KDM4C: variants seen among roughly 807,000 people sequenced by gnomAD.
KDM4C encodes the protein lysine-specific demethylase 4C.
In KDM4C, 81 loss-of-function variants were observed where a neutral mutation model predicts 129.3. That is an observed-to-expected ratio of 0.63 (90% CI 0.52 to 0.75). KDM4C has a LOEUF of 0.75. Among genes scored for constraint, KDM4C ranks in the 30% least tolerant of loss-of-function variants. KDM4C has a pLI of 0.00. For missense variants in KDM4C, 1,457 were observed against 1,304.0 expected, an observed-to-expected ratio of 1.12 and a Z score of -1.81; for synonymous variants, 573 against 456.1, an observed-to-expected ratio of 1.26 and a Z score of -3.26.
intron 8 of KDM4C, among the ~76,000 whole-genome samples, chr9:6,948,629 C>CGGAA (rs1180014165): frequency 1.3e-5 from 2 of 151,002 alleles, no homozygotes; most frequent in African/African-American, 4.9e-5. Context: ...GAGGACCCTG[C>CGGAA]GGCCTTCCGC....
rs566634334 is a variant in KDM4C, at chr9:6,893,181, T to A, written c.870T>A (p.Ser290=). ...ATCATGGTTTCAACTGTGCAGAATC[T>A]ACAAATTTTGCTACTGTCAGATGGA... The part of the protein sequence containing the change: ...GFNHGFNCAE[S]TNFATVRWID... The change falls in exon 8 of 22, where the codon TCT becomes TCA. Residue 290 remains serine (S), a synonymous_variant. Transcript: ENST00000381309. 1 of 1,611,622 alleles carries A rather than the reference T, an allele frequency of 6.2e-7. No individual in the cohort carries two copies. Among genetic ancestry groups the A allele is most frequent in the South Asian group, 1.1e-5 (1 of 90,626 alleles).
chr9:6,899,782 T>C (rs1194969691), intron 8 of KDM4C, among the ~76,000 whole-genome samples: 1 of 152,218 alleles, frequency 6.6e-6, no homozygotes, highest in Non-Finnish European at 1.5e-5. Context: ...TATATATTGC[T>C]GAAGTCTGGA....
intron 13 of KDM4C, 41 bp from the exon 14 acceptor site, chr9:7,013,747 T>C: frequency 6.3e-7 from 1 of 1,586,422 alleles, no homozygotes; most frequent in Non-Finnish European, 8.6e-7. Flanking sequence ...ATGAGCTCTT[T>C]TCCATGTTTT....
chr9:6,964,116 T>C (rs1322214131), intron 8 of KDM4C, among the ~76,000 whole-genome samples: 1 of 152,230 alleles, frequency 6.6e-6, no homozygotes, highest in Admixed American at 6.5e-5. Flanking sequence ...ATACTTTAAG[T>C]TCTAGGCTAC....
At chr9:6,765,231 T>G (rs1820378810) in intron 1 of KDM4C, among the ~76,000 whole-genome samples, 1 of 152,214 alleles carries the variant, frequency 6.6e-6, no homozygotes, top group Admixed American at 6.6e-5. Context: ...TTTTTCATGT[T>G]CTCTCTACCT....
At chr9:7,170,635 A>G (rs778148640) in intron 21 of KDM4C, 44 of 960,704 alleles carry the variant, frequency 4.6e-5, no homozygotes, top group Non-Finnish European at 5.1e-5. Flanking sequence ...AATTATATCT[A>G]TTGTGTCTGT....
At chr9:6,941,375 T>G (rs1825906919) in intron 8 of KDM4C, among the ~76,000 whole-genome samples, 1 of 152,232 alleles carries the variant, frequency 6.6e-6, no homozygotes, top group African/African-American at 2.4e-5. Context: ...AATGGGGTTG[T>G]TCTTTTCTTG....
intron 19 of KDM4C, among the ~76,000 whole-genome samples, chr9:7,149,079 T>C (rs1244917601): frequency 6.6e-6 from 1 of 152,124 alleles, no homozygotes; most frequent in African/African-American, 2.4e-5. Flanking sequence ...GGCACCCAGG[T>C]TTTCTGCACC....
chr9:7,003,636 G>T (rs1433309045), intron 12 of KDM4C, among the ~76,000 whole-genome samples: 2 of 152,080 alleles, frequency 1.3e-5, no homozygotes, highest in African/African-American at 4.8e-5. Context: ...AGAATTCTCT[G>T]CTATCCATTA....
rs1221963936 is a variant in KDM4C, at chr9:6,984,193, A to G, written c.1143A>G (p.Lys381=). Residue 381 remains lysine (K), a synonymous_variant, in exon 10 of 22, where the codon AAA becomes AAG. Coordinates refer to ENST00000381309, the MANE Select transcript of KDM4C (RefSeq NM_015061.6). ...RSFQCARSTS[K]RPKADEEEEV... ...TCCAGTGTGCTAGGTCTACCTCTAAAAGGCCTAAGGCTGATGAGGAAGAGG... is the reference window on the plus strand; with the variant it reads ...TCCAGTGTGCTAGGTCTACCTCTAAGAGGCCTAAGGCTGATGAGGAAGAGG... 3 of 1,613,608 alleles carry G rather than the reference A, an allele frequency of 1.9e-6. No homozygotes were observed. The highest frequency in any genetic ancestry group is 2.5e-6 in the Non-Finnish European group (3 of 1,179,712).
At chr9:6,810,559 C>G (rs1454766631) in intron 3 of KDM4C, among the ~76,000 whole-genome samples, 1 of 151,968 alleles carries the variant, frequency 6.6e-6, no homozygotes, top group Non-Finnish European at 1.5e-5. Context: ...TTATTTCTAG[C>G]TTTAATTTTA....
chr9:7,008,092 A>T (rs1822007799), intron 12 of KDM4C, among the ~76,000 whole-genome samples: 1 of 152,164 alleles, frequency 6.6e-6, no homozygotes, highest in East Asian at 1.9e-4. Context: ...ACAGTTTTGC[A>T]TTACCTGTAT....
rs1401759365 is a variant in KDM4C, at chr9:6,799,753, C to T, written c.145-5846C>T. On this transcript the variant is annotated intron_variant, in intron 2 of 21. Coordinates refer to ENST00000381309, the MANE Select transcript of KDM4C (RefSeq NM_015061.6). ...TGAAGAGCCTGAATAAATCTGTGTT[C>T]CATTTTTTTATTATTCTGGCTTATT... Among the ~76,000 whole-genome samples, 6 of 149,258 alleles carry T rather than the reference C, an allele frequency of 4.0e-5. No homozygotes were observed. The East Asian group carries it at 1.2e-3, about 29-fold the overall frequency.
intron 17 of KDM4C, among the ~76,000 whole-genome samples, chr9:7,050,560 GACAAATATTA>G (rs566603129): frequency 2.9e-3 from 444 of 151,804 alleles, no homozygotes; most frequent in South Asian, 0.022. Flanking sequence ...TGTTTGGTGT[GACAAATATTA>G]ACAAATGTTA....
At chr9:6,768,337 A>ATT (rs200541754) in intron 1 of KDM4C, among the ~76,000 whole-genome samples, 243 of 142,640 alleles carry the variant, frequency 1.7e-3, no homozygotes, top group African/African-American at 4.7e-3. Context: ...GCTGAACAGG[A>ATT]TTTTTTTTTT....
intron 3 of KDM4C, among the ~76,000 whole-genome samples, chr9:6,813,798 GTTT>G (rs943823632): frequency 6.6e-6 from 1 of 152,050 alleles, no homozygotes; most frequent in Non-Finnish European, 1.5e-5. Context: ...ACAATTACAG[GTTT>G]TTTAAACTGT....
intron 17 of KDM4C, among the ~76,000 whole-genome samples, chr9:7,100,021 T>G (rs1836892208): frequency 6.6e-6 from 1 of 152,192 alleles, no homozygotes; most frequent in Non-Finnish European, 1.5e-5. Context: ...TAGCCTTGAC[T>G]CTCAGATGAG....
At chr9:6,722,653 A>G (rs551036166) in intron 1 of KDM4C, among the ~76,000 whole-genome samples, 17 of 151,890 alleles carry the variant, frequency 1.1e-4, no homozygotes, top group African/African-American at 4.1e-4. Flanking sequence ...AGCTGCGATT[A>G]CAGACATGCA....
intron 18 of KDM4C, among the ~76,000 whole-genome samples, chr9:7,124,467 A>T (rs917241983): frequency 6.6e-6 from 1 of 152,032 alleles, no homozygotes; most frequent in Non-Finnish European, 1.5e-5. Flanking sequence ...AACCTGTAAG[A>T]AGTAGCTGTC....
Sources: allele counts gnomAD v4.1 joint callset (sites outside exome capture counted in the v4.1 genomes callset), GRCh38; gene constraint gnomAD v4.1.1; transcripts MANE v1.5; gene names NCBI Gene and HGNC (gene_info 2026-07-23, HGNC 2026-07-21).